DYNC1I2: variants seen among roughly 807,000 people sequenced by gnomAD.
DYNC1I2 encodes cytoplasmic dynein 1 intermediate chain 2.
Under a neutral mutation model 88.6 loss-of-function variants are expected in DYNC1I2, and 53 were observed. The ratio of observed to expected loss-of-function variants is 0.60; its 90% confidence interval spans 0.48 to 0.75. The LOEUF is 0.75. DYNC1I2 is among the 30% of genes least tolerant of loss of function. The pLI, the probability that DYNC1I2 is intolerant of heterozygous loss-of-function variation, is 0.00. For missense variants in DYNC1I2, 458 were observed against 766.6 expected, an observed-to-expected ratio of 0.60 and a Z score of 4.75; for synonymous variants, 198 against 254.6, an observed-to-expected ratio of 0.78 and a Z score of 2.12.
At chr2:171,703,742 G>A (rs1686452312) in intron 3 of DYNC1I2, among the ~76,000 whole-genome samples, 1 of 152,020 alleles carries the variant, frequency 6.6e-6, no homozygotes, top group African/African-American at 2.4e-5. Context: ...AAAAAAGTAA[G>A]GTATGAAAAA....
rs559822674 is a variant in DYNC1I2, at chr2:171,719,013, T to C, written c.511+3570T>C. ...AAGTAGCAACTCATGTTTTTATGAGTTGTTTTATGAGTAACCTATAGTAAG... is the reference window on the plus strand; with the variant it reads ...AAGTAGCAACTCATGTTTTTATGAGCTGTTTTATGAGTAACCTATAGTAAG... On this transcript the variant is annotated intron_variant, in intron 7 of 17. Transcript: ENST00000397119. 3.9e-5 allele frequency among the ~76,000 whole-genome samples: 6 copies of C among 152,292 alleles called. No individual in the cohort carries two copies. In the East Asian group the frequency reaches 9.7e-4, roughly 24 times the overall value.
intron 3 of DYNC1I2, among the ~76,000 whole-genome samples, chr2:171,694,947 C>T (rs984370810): frequency 6.6e-6 from 1 of 152,194 alleles, no homozygotes; most frequent in Admixed American, 6.5e-5. Context: ...GATGTCCAAA[C>T]TGTATCAATG....
chr2:171,725,170 G>A (rs1261476357), intron 7 of DYNC1I2, among the ~76,000 whole-genome samples: 2 of 152,162 alleles, frequency 1.3e-5, no homozygotes, highest in Non-Finnish European at 2.9e-5. Context: ...AGCCAGCTCT[G>A]TAGGCTATTT....
intron 15 of DYNC1I2, among the ~76,000 whole-genome samples, chr2:171,736,670 C>T (rs1277463767): frequency 6.6e-6 from 1 of 152,196 alleles, no homozygotes; most frequent in East Asian, 1.9e-4. Flanking sequence ...GTACTGTCTT[C>T]ATTTTCCTTG....
At chr2:171,689,882 C>CTTTTTTTTTTTTTTTTTTTT (rs10716223) in intron 1 of DYNC1I2, among the ~76,000 whole-genome samples, 2 of 54,156 alleles carry the variant, frequency 3.7e-5, no homozygotes, top group African/African-American at 7.7e-5. Flanking sequence ...TTTTTCTTGC[C>CTTTTTTTTTTTTTTTTTTTT]TTTTTTTTTT....
intron 3 of DYNC1I2, chr2:171,693,102 CAT>C (rs2105460603): frequency 1.9e-6 from 1 of 521,340 alleles, no homozygotes; most frequent in Admixed American, 3.4e-5. Flanking sequence ...TAATTATTAA[CAT>C]ATACTGAACT....
At chr2:171,689,140 A>C (rs1685194115) in intron 1 of DYNC1I2, among the ~76,000 whole-genome samples, 1 of 152,168 alleles carries the variant, frequency 6.6e-6, no homozygotes, top group East Asian at 1.9e-4. Flanking sequence ...GTCAATTGTA[A>C]TGTTAAGGTC....
intron 7 of DYNC1I2, among the ~76,000 whole-genome samples, chr2:171,721,525 TAAAGG>T (rs952666736): frequency 1.3e-5 from 2 of 152,172 alleles, no homozygotes; most frequent in Admixed American, 1.3e-4. Flanking sequence ...TTGAAAATAT[TAAAGG>T]AAAATCATTC....
At chr2:171,721,300 A>G (rs1041905394) in intron 7 of DYNC1I2, among the ~76,000 whole-genome samples, 3 of 152,250 alleles carry the variant, frequency 2.0e-5, no homozygotes, top group East Asian at 1.9e-4. Flanking sequence ...TGAAGAGCCA[A>G]AGAAACCCAA....
At chr2:171,687,771 CG>C (rs1177190286) in intron 1 of DYNC1I2, 144 bp downstream of exon 1, 2 of 152,566 alleles carry the variant, frequency 1.3e-5, no homozygotes, top group Non-Finnish European at 2.9e-5. Flanking sequence ...TTTGGAAAGC[CG>C]CGGAGCTGGT....
intron 4 of DYNC1I2, chr2:171,707,023 C>T: frequency 1.8e-6 from 1 of 558,462 alleles, no homozygotes; most frequent in Non-Finnish European, 3.1e-6. Flanking sequence ...TGCATCCTTC[C>T]ATAATCTTGC....
At position 171,707,281 on chromosome 2, in the gene DYNC1I2, ATT is replaced by A; in HGVS notation, c.245-4_245-3del. ...ACAGCGGATACCTGTCTATTTCACT[ATT>A]TAGTCCCTCCTCCTATGTCTCCATC... On this transcript the variant is annotated splice_polypyrimidine_tract_variant and splice_region_variant and intron_variant, in intron 4 of 17. Transcript: ENST00000397119. 1 of 1,613,826 alleles carries A rather than the reference ATT, an allele frequency of 6.2e-7. No homozygotes were observed. The highest frequency in any genetic ancestry group is 8.5e-7 in the Non-Finnish European group (1 of 1,179,758).
chr2:171,713,792 A>G (rs556948183), intron 6 of DYNC1I2, among the ~76,000 whole-genome samples: 1 of 152,298 alleles, frequency 6.6e-6, no homozygotes, highest in Admixed American at 6.5e-5. Flanking sequence ...CATGTAAGAA[A>G]AATATATGAG....
chr2:171,689,722 A>G (rs886205777), intron 1 of DYNC1I2, among the ~76,000 whole-genome samples: 4 of 151,612 alleles, frequency 2.6e-5, no homozygotes, highest in Admixed American at 6.6e-5. Flanking sequence ...TTTATCTTTT[A>G]AAAGTTTATT....
chr2:171,689,849 C>G (rs1163505756), intron 1 of DYNC1I2, among the ~76,000 whole-genome samples: 2 of 150,380 alleles, frequency 1.3e-5, no homozygotes, highest in South Asian at 2.1e-4. Flanking sequence ...CAGGCACATG[C>G]CACCATGCCG....
intron 7 of DYNC1I2, among the ~76,000 whole-genome samples, chr2:171,720,943 G>A (rs756429010): frequency 6.6e-6 from 1 of 151,512 alleles, no homozygotes; most frequent in Non-Finnish European, 1.5e-5. Flanking sequence ...CAGATAACAA[G>A]ACCTATGTAA....
intron 3 of DYNC1I2, among the ~76,000 whole-genome samples, chr2:171,699,824 A>G (rs1686102921): frequency 3.3e-5 from 5 of 151,734 alleles, no homozygotes; most frequent in South Asian, 2.1e-4. Context: ...TTTTTTTTGT[A>G]TAGATGGGGT....
intron 2 of DYNC1I2, among the ~76,000 whole-genome samples, chr2:171,692,484 A>T (rs1340268734): frequency 6.6e-6 from 1 of 152,170 alleles, no homozygotes; most frequent in East Asian, 1.9e-4. Context: ...TTCATACTGT[A>T]GATAATTCGA....
At chr2:171,730,212 G>T (rs1688517762) in intron 15 of DYNC1I2, among the ~76,000 whole-genome samples, 1 of 152,226 alleles carries the variant, frequency 6.6e-6, no homozygotes, top group African/African-American at 2.4e-5. Context: ...TTGCTCTTTG[G>T]AGAGTTTTTA....
Sources: gnomAD v4.1 joint callset for allele counts (sites outside exome capture counted in the v4.1 genomes callset) on GRCh38, gnomAD v4.1.1 for gene constraint, MANE v1.5 for transcripts, NCBI Gene and HGNC (gene_info 2026-07-23, HGNC 2026-07-21) for gene names.